Variants in AFG1L observed in about 807,000 individuals in gnomAD.
AFG1L encodes the protein AFG1 like ATPase.
In AFG1L, 53 loss-of-function variants were observed where a neutral mutation model predicts 62.2. That is an observed-to-expected ratio of 0.85 (90% CI 0.68 to 1.07). AFG1L has a LOEUF of 1.07. Among genes scored for constraint, AFG1L ranks in the 50% least tolerant of loss-of-function variants. AFG1L has a pLI of 0.00. For synonymous variants in AFG1L, 228 were observed against 210.3 expected (o/e 1.08, Z -0.73); for missense variants, 555 against 590.5 (o/e 0.94, Z 0.62).
At chr6:108,495,739 G>A (rs1471603689) in intron 10 of AFG1L, among the ~76,000 whole-genome samples, 1 of 152,188 alleles carries the variant, frequency 6.6e-6, no homozygotes, top group Non-Finnish European at 1.5e-5. Flanking sequence ...TCTTTGCAAA[G>A]TCATTATAGA....
rs947109539 is a variant in AFG1L, at chr6:108,510,231, A to G, written c.1082A>G (p.Tyr361Cys). Residue 361 changes from tyrosine (Y) to cysteine (C), a missense_variant, in exon 11 of 13, where the codon TAT (tyrosine) becomes TGT (cysteine). By Grantham distance (194) the Tyr-to-Cys change is radical (BLOSUM62 -2). Transcript: ENST00000368977. ...TCATAGCCACTTGGAGCCAGTGACT[A>G]TTTGGAACTATCAAAGAATTTTGAT... ...LCERPLGASD[Y>C]LELSKNFDTI... The G allele has an allele frequency of 2.5e-6, 4 of 1,609,576 alleles. No individual in the cohort carries two copies. The highest frequency in any genetic ancestry group is 1.1e-5 in the South Asian group (1 of 89,946).
chr6:108,309,832 A>G (rs554219183), intron 1 of AFG1L, among the ~76,000 whole-genome samples: 1 of 152,302 alleles, frequency 6.6e-6, no homozygotes, highest in East Asian at 1.9e-4. Flanking sequence ...TTATATGTTG[A>G]TTACATGCCA....
chr6:108,309,495 A>C (rs187876240), intron 1 of AFG1L, among the ~76,000 whole-genome samples: 1 of 152,356 alleles, frequency 6.6e-6, no homozygotes, highest in East Asian at 1.9e-4. Context: ...ACATGTGGAC[A>C]CTGAGCACTT....
At chr6:108,475,945 C>T (rs991487342) in intron 8 of AFG1L, among the ~76,000 whole-genome samples, 2 of 152,122 alleles carry the variant, frequency 1.3e-5, no homozygotes, top group Non-Finnish European at 2.9e-5. Flanking sequence ...TTAATTGCTT[C>T]CACTACTACG....
intron 2 of AFG1L, among the ~76,000 whole-genome samples, chr6:108,345,246 A>C (rs1345537901): frequency 6.6e-6 from 1 of 151,910 alleles, no homozygotes; most frequent in African/African-American, 2.4e-5. Flanking sequence ...TCAGCCTCCC[A>C]AACATCATTT....
At chr6:108,334,638 A>C (rs1413087674) in intron 2 of AFG1L, among the ~76,000 whole-genome samples, 1 of 152,214 alleles carries the variant, frequency 6.6e-6, no homozygotes, top group Non-Finnish European at 1.5e-5. Context: ...GGGTTTTAGC[A>C]ATGCAATCTT....
intron 2 of AFG1L, among the ~76,000 whole-genome samples, chr6:108,341,409 C>T (rs915304172): frequency 6.6e-6 from 1 of 152,098 alleles, no homozygotes; most frequent in African/African-American, 2.4e-5. Context: ...TCTTTTTTCA[C>T]GAATTACAGG....
Position 108,295,124 on chromosome 6 carries a change from A to G in AFG1L, c.45A>G (p.Ala15=), listed in dbSNP as rs773333001. Residue 15 remains alanine, a synonymous_variant, in exon 1 of 13, where the codon GCA becomes GCG. Coordinates refer to ENST00000368977, the MANE Select transcript of AFG1L (RefSeq NM_145315.5). The part of the protein sequence containing the change: ...WSLLVTLRPL[A]QSPLRGRCVG... ...TCTTGGTTACCCTGCGCCCCTTAGCACAGAGCCCGCTGAGAGGGAGATGTG... is the reference window on the plus strand; with the variant it reads ...TCTTGGTTACCCTGCGCCCCTTAGCGCAGAGCCCGCTGAGAGGGAGATGTG... The G allele has an allele frequency of 1.9e-6, 3 of 1,611,348 alleles. No individual in the cohort carries two copies. The highest frequency in any genetic ancestry group is 2.2e-5 in the East Asian group (1 of 44,862).
Position 108,477,475 on chromosome 6 carries a change from AT to A in AFG1L, c.1062+186del, listed in dbSNP as rs536111172. ...TGCTTTTTATAGATATTGGCACAAA[AT>A]TTGCACTTAGAGGGGCTCTAATGCA... On this transcript the variant is annotated intron_variant, in intron 10 of 12. Coordinates refer to ENST00000368977, the MANE Select transcript of AFG1L (RefSeq NM_145315.5). 5.3e-5 allele frequency among the ~76,000 whole-genome samples: 8 copies of A among 152,350 alleles called. No individual in the cohort carries two copies. In the South Asian group the frequency reaches 1.7e-3, roughly 32 times the overall value.
intron 10 of AFG1L, among the ~76,000 whole-genome samples, chr6:108,478,755 G>A (rs932273591): frequency 1.3e-5 from 2 of 152,114 alleles, no homozygotes; most frequent in African/African-American, 4.8e-5. Flanking sequence ...GAATCTTGGG[G>A]GAGGAAGGAA....
intron 8 of AFG1L, among the ~76,000 whole-genome samples, chr6:108,471,856 T>C (rs1772911686): frequency 6.6e-6 from 1 of 152,230 alleles, no homozygotes. Flanking sequence ...TTGCTTACTC[T>C]TCTCTTTTCA....
chr6:108,442,626 T>C (rs1771599113), intron 7 of AFG1L, among the ~76,000 whole-genome samples: 1 of 152,186 alleles, frequency 6.6e-6, no homozygotes, highest in South Asian at 2.1e-4. Flanking sequence ...CCTAGGTTTG[T>C]AGGCCTCCCT....
chr6:108,438,028 C>T (rs547234069), intron 7 of AFG1L, among the ~76,000 whole-genome samples: 4 of 152,176 alleles, frequency 2.6e-5, no homozygotes, highest in Non-Finnish European at 5.9e-5. Context: ...TTGTGACTCA[C>T]CTCACAAGCA....
chr6:108,339,249 T>C (rs1351882780), intron 2 of AFG1L, among the ~76,000 whole-genome samples: 2 of 151,756 alleles, frequency 1.3e-5, no homozygotes, highest in Non-Finnish European at 2.9e-5. Context: ...CAAATGATTC[T>C]TGTGCCTCAG....
intron 2 of AFG1L, among the ~76,000 whole-genome samples, chr6:108,329,082 CCCTTCCTT>C (rs532147611): frequency 5.0e-5 from 7 of 139,718 alleles, no homozygotes; most frequent in Admixed American, 3.5e-4. Flanking sequence ...CTCCCTCCTT[CCCTTCCTT>C]CCTTCCTTCC....
chr6:108,308,588 A>G (rs570731670), intron 1 of AFG1L, among the ~76,000 whole-genome samples: 205 of 152,226 alleles, frequency 1.3e-3, no homozygotes, highest in African/African-American at 4.7e-3. Flanking sequence ...AACATAGCTC[A>G]CTGCAGCCTC....
intron 2 of AFG1L, among the ~76,000 whole-genome samples, chr6:108,326,411 G>A (rs1366033501): frequency 6.6e-6 from 1 of 151,982 alleles, no homozygotes; most frequent in South Asian, 2.1e-4. Flanking sequence ...ATTTTCCCTG[G>A]TCATCAGCTT....
At chr6:108,413,869 A>G (rs1437200032) in intron 7 of AFG1L, among the ~76,000 whole-genome samples, 2 of 152,208 alleles carry the variant, frequency 1.3e-5, no homozygotes, top group Non-Finnish European at 2.9e-5. Flanking sequence ...CTAGAGAAGC[A>G]AGAGCAAACA....
intron 6 of AFG1L, among the ~76,000 whole-genome samples, chr6:108,386,139 G>A (rs948919470): frequency 6.6e-6 from 1 of 151,866 alleles, no homozygotes; most frequent in African/African-American, 2.4e-5. Context: ...AAGAATGAAG[G>A]CAAAATAAAG....
Sources: gnomAD v4.1 joint callset for allele counts (sites outside exome capture counted in the v4.1 genomes callset) on GRCh38, gnomAD v4.1.1 for gene constraint, MANE v1.5 for transcripts, NCBI Gene and HGNC (gene_info 2026-07-23, HGNC 2026-07-21) for gene names.